Variants in SRPK2 observed in about 807,000 individuals in gnomAD.
SRPK2 encodes SFRS protein kinase 2.
Under a neutral mutation model 90.8 loss-of-function variants are expected in SRPK2, and 21 were observed. The observed-to-expected ratio is 0.23, with a 90% confidence interval of 0.16 to 0.33. SRPK2 has a LOEUF of 0.33. SRPK2 is among the 10% of genes least tolerant of loss of function. The pLI, the probability that SRPK2 is intolerant of heterozygous loss-of-function variation, is 1.00. For missense variants in SRPK2, 620 were observed against 869.0 expected (o/e 0.71, Z 3.60); for synonymous variants, 288 against 311.1 (o/e 0.93, Z 0.78).
chr7:105,346,983 T>C (rs1190624291), intron 2 of SRPK2, among the ~76,000 whole-genome samples: 2 of 150,212 alleles, frequency 1.3e-5, no homozygotes, highest in South Asian at 2.1e-4. Context: ...CATGAAGAAA[T>C]AAAATATTGC....
intron 2 of SRPK2, among the ~76,000 whole-genome samples, chr7:105,270,825 A>G (rs1001350878): frequency 1.3e-5 from 2 of 152,220 alleles, no homozygotes. Flanking sequence ...GGCTGTGGCA[A>G]GGATTTAATG....
chr7:105,128,896 T>C (rs1351011051), intron 13 of SRPK2, among the ~76,000 whole-genome samples: 2 of 152,170 alleles, frequency 1.3e-5, no homozygotes, highest in Non-Finnish European at 2.9e-5. Flanking sequence ...ATGTCAGGTA[T>C]GTATTCTTTG....
chr7:105,153,346 A>T (rs1004289524), intron 7 of SRPK2, among the ~76,000 whole-genome samples: 2 of 152,172 alleles, frequency 1.3e-5, no homozygotes, highest in African/African-American at 4.8e-5. Context: ...CTTGAACCTC[A>T]AATTCATCTT....
At chr7:105,388,763 G>T in intron 1 of SRPK2, 28 bp downstream of exon 1, 1 of 1,531,412 alleles carries the variant, frequency 6.5e-7, no homozygotes, top group East Asian at 2.6e-5. Context: ...CCGCGTGGCG[G>T]GGAGAGGGCG....
chr7:105,357,888 A>T (rs1185292719), intron 2 of SRPK2, among the ~76,000 whole-genome samples: 2 of 152,184 alleles, frequency 1.3e-5, no homozygotes, highest in Admixed American at 6.6e-5. Context: ...TCCTTGAACA[A>T]CGCAGGGATT....
intron 2 of SRPK2, among the ~76,000 whole-genome samples, chr7:105,342,328 T>TTAA (rs1262534509): frequency 4.7e-5 from 7 of 148,216 alleles, no homozygotes; most frequent in East Asian, 2.2e-4. Context: ...CCGTCTCAAA[T>TTAA]TAATAATAAT....
chr7:105,363,487 C>T (rs1367232659), intron 2 of SRPK2, among the ~76,000 whole-genome samples: 2 of 152,190 alleles, frequency 1.3e-5, no homozygotes, highest in African/African-American at 4.8e-5. Flanking sequence ...GATACCATCT[C>T]ACACCAATTA....
intron 2 of SRPK2, among the ~76,000 whole-genome samples, chr7:105,245,130 A>G (rs1283244338): frequency 1.3e-5 from 2 of 152,012 alleles, no homozygotes; most frequent in African/African-American, 4.8e-5. Flanking sequence ...TCTTTATTCA[A>G]ATAAAATTTG....
intron 11 of SRPK2, among the ~76,000 whole-genome samples, chr7:105,137,326 G>A (rs761495968): frequency 1.1e-4 from 16 of 152,318 alleles, no homozygotes; most frequent in Non-Finnish European, 1.9e-4. Context: ...GGACAACTCA[G>A]GGCATCACTA....
At chr7:105,205,702 G>GA (rs1796147675) in intron 2 of SRPK2, among the ~76,000 whole-genome samples, 1 of 152,116 alleles carries the variant, frequency 6.6e-6, no homozygotes, top group Non-Finnish European at 1.5e-5. Context: ...CCAGGCAAAA[G>GA]AGAGTTCTGA....
chr7:105,147,382 A>G (rs987258026), intron 7 of SRPK2, among the ~76,000 whole-genome samples: 1 of 152,134 alleles, frequency 6.6e-6, no homozygotes, highest in Non-Finnish European at 1.5e-5. Flanking sequence ...CAGTGGCACA[A>G]TCTTGGCTCA....
intron 2 of SRPK2, among the ~76,000 whole-genome samples, chr7:105,369,951 C>T (rs566390436): frequency 1.3e-5 from 2 of 152,038 alleles, no homozygotes; most frequent in Non-Finnish European, 1.5e-5. Context: ...CGCTTGAACC[C>T]GGGAAGCAGA....
intron 3 of SRPK2, among the ~76,000 whole-genome samples, chr7:105,186,865 G>T (rs1231293129): frequency 6.6e-6 from 1 of 152,156 alleles, no homozygotes; most frequent in African/African-American, 2.4e-5. Flanking sequence ...CTCTGAGAAA[G>T]CCAAGCCATA....
chr7:105,312,915 G>A (rs1179466832), intron 2 of SRPK2, among the ~76,000 whole-genome samples: 1 of 152,120 alleles, frequency 6.6e-6, no homozygotes, highest in African/African-American at 2.4e-5. Flanking sequence ...TGGGATGACA[G>A]GCATGAGATA....
intron 2 of SRPK2, among the ~76,000 whole-genome samples, chr7:105,210,743 A>G (rs915039015): frequency 3.9e-5 from 6 of 152,184 alleles, no homozygotes; most frequent in African/African-American, 1.4e-4. Context: ...TAATCACACC[A>G]GTCCCTAAAA....
chr7:105,226,976 T>C (rs1798791812), intron 2 of SRPK2, among the ~76,000 whole-genome samples: 1 of 152,096 alleles, frequency 6.6e-6, no homozygotes, highest in South Asian at 2.1e-4. Context: ...CGAGCAGTGA[T>C]TTCTGTCATC....
At chr7:105,191,718 C>T (rs954608470) in intron 3 of SRPK2, among the ~76,000 whole-genome samples, 8 of 152,004 alleles carry the variant, frequency 5.3e-5, no homozygotes, top group Non-Finnish European at 8.8e-5. Context: ...ATAATAAAGA[C>T]GGTACCTCCA....
intron 7 of SRPK2, 139 bp from the exon 8 acceptor site, chr7:105,146,797 T>TC: frequency 2.3e-6 from 2 of 860,524 alleles, no homozygotes; most frequent in Non-Finnish European, 3.5e-6. Context: ...AAAATCTCCC[T>TC]CCCATGCCTA....
chr7:105,269,149 C>G (rs1585452429), intron 2 of SRPK2: 1 of 1,004,798 alleles, frequency 1.0e-6, no homozygotes, highest in Non-Finnish European at 1.2e-6. Flanking sequence ...TAGCATGGTT[C>G]TACAAGATGA....
Sources: allele counts gnomAD v4.1 joint callset (sites outside exome capture counted in the v4.1 genomes callset), GRCh38; gene constraint gnomAD v4.1.1; transcripts MANE v1.5; gene names NCBI Gene and HGNC (gene_info 2026-07-23, HGNC 2026-07-21).